The following SH3KBP1 variants were observed in gnomAD, a reference collection of about 807,000 sequenced individuals.
SH3KBP1 encodes SH3 domain containing kinase binding protein 1.
In SH3KBP1, 8 loss-of-function variants were observed where a neutral mutation model predicts 50.1. The ratio of observed to expected loss-of-function variants is 0.16; its 90% CI spans 0.09 to 0.29. SH3KBP1 has a LOEUF of 0.29. Among genes scored for constraint, SH3KBP1 ranks in the 10% least tolerant of loss-of-function variants. The pLI is 1.00. For missense variants in SH3KBP1, 377 were observed against 535.2 expected, an observed-to-expected ratio of 0.70 and a Z score of 2.92; for synonymous variants, 227 against 218.6, an observed-to-expected ratio of 1.04 and a Z score of -0.34.
At chrX:19,559,200 A>G (rs1602467627) in intron 13 of SH3KBP1, among the ~76,000 whole-genome samples, 1 of 73,401 alleles carries the variant, frequency 1.4e-5, no homozygotes, top group Non-Finnish European at 2.3e-5. Context: ...TGAACCCGGG[A>G]GGTGGAGGTT....
In SH3KBP1 at chrX:19,683,829, T is replaced by C; in HGVS notation, c.720A>G (p.Val240=). The C allele has an allele frequency of 1.7e-6, 2 of 1,207,466 alleles. No individual in the cohort carries two copies. Among genetic ancestry groups the C allele is most frequent in the East Asian group, 3.0e-5 (1 of 33,849 alleles). The part of the protein sequence containing the change: ...SIEVENDFLP[V]EKTIGKKLPA... Reference sequence around the variant, plus strand: ...TAGAAACTGTCGAACATACCTTTTCTACCGGCAGAAAGTCATTTTCTACTT... The same window carrying C: ...TAGAAACTGTCGAACATACCTTTTCCACCGGCAGAAAGTCATTTTCTACTT... Residue 240 remains valine, a synonymous_variant, in exon 6 of 18, where the codon GTA becomes GTG. Transcript: ENST00000397821.
chrX:19,652,431 A>G (rs1287884566), intron 6 of SH3KBP1, among the ~76,000 whole-genome samples: 1 of 111,343 alleles, frequency 9.0e-6, no homozygotes, highest in Non-Finnish European at 1.9e-5. Flanking sequence ...ATCTATTATG[A>G]TCAAAAGACT....
intron 12 of SH3KBP1, among the ~76,000 whole-genome samples, chrX:19,571,440 G>A (rs1294704137): frequency 8.9e-6 from 1 of 112,117 alleles, no homozygotes; most frequent in Non-Finnish European, 1.9e-5. Flanking sequence ...GACTGATCCC[G>A]AGCCAACAGA....
chrX:19,563,146 C>T (rs1367674107), intron 13 of SH3KBP1, among the ~76,000 whole-genome samples: 1 of 112,029 alleles, frequency 8.9e-6, no homozygotes. Context: ...CCAGCAGGAC[C>T]GCCCTGTGCA....
At chrX:19,704,006 A>G (rs1016878881) in intron 4 of SH3KBP1, among the ~76,000 whole-genome samples, 3 of 110,965 alleles carry the variant, frequency 2.7e-5, no homozygotes, top group Non-Finnish European at 5.7e-5. Flanking sequence ...ATAAGAGAAA[A>G]GGACAGATTT....
At chrX:19,593,249 C>A (rs1190049617) in intron 10 of SH3KBP1, among the ~76,000 whole-genome samples, 1 of 111,390 alleles carries the variant, frequency 9.0e-6, no homozygotes, top group Non-Finnish European at 1.9e-5. Flanking sequence ...AAACTCTTTA[C>A]ATGACCAGTT....
Position 19,602,825 on chromosome X carries a change from A to G in SH3KBP1, c.1005+5113T>C, listed in dbSNP as rs187498535. On this transcript the variant is annotated intron_variant, in intron 9 of 17. Transcript: ENST00000397821. ...AGATTTTACGGACTGAGTTGTCAGAAGATGGAGGCTAAGTAAGGTGAGGGG... is the reference window on the plus strand; with the variant it reads ...AGATTTTACGGACTGAGTTGTCAGAGGATGGAGGCTAAGTAAGGTGAGGGG... Among the ~76,000 whole-genome samples the G allele has an allele frequency of 1.2e-4, 13 of 112,202 alleles. No homozygotes were observed. In the East Asian group the frequency reaches 3.6e-3, roughly 31 times the overall value.
At chrX:19,862,264 G>A (rs900925704) in intron 1 of SH3KBP1, among the ~76,000 whole-genome samples, 58 of 112,022 alleles carry the variant, frequency 5.2e-4, no homozygotes, top group African/African-American at 1.7e-3. Context: ...AGATGTCTGT[G>A]GTGTTGGCTA....
intron 9 of SH3KBP1, among the ~76,000 whole-genome samples, chrX:19,600,328 G>A (rs972462314): frequency 3.6e-5 from 4 of 110,738 alleles, no homozygotes; most frequent in Non-Finnish European, 7.6e-5. Flanking sequence ...AGGCTGCAGT[G>A]AGCTGAGATC....
intron 2 of SH3KBP1, among the ~76,000 whole-genome samples, chrX:19,790,214 G>A (rs1037234872): frequency 1.8e-5 from 2 of 111,826 alleles, no homozygotes; most frequent in African/African-American, 6.5e-5. Context: ...TGGTTACCTG[G>A]GCTCTGGCAG....
chrX:19,653,763 TACACACACACACACACAC>T (rs60424271), intron 6 of SH3KBP1, among the ~76,000 whole-genome samples: 14,451 of 80,064 alleles, frequency 0.18, 998 homozygotes, highest in African/African-American at 0.21. Context: ...TATGTCTAAA[TACACACACACACACACAC>T]ACACACACAC....
intron 1 of SH3KBP1, among the ~76,000 whole-genome samples, chrX:19,838,886 CAAAAAAAAAAAA>C (rs1187740894): frequency 6.7e-5 from 2 of 30,074 alleles, no homozygotes; most frequent in Non-Finnish European, 1.4e-4. Context: ...AACTTTGTCT[CAAAAAAAAAAAA>C]AAAAAAAAGA....
chrX:19,535,541 C>G lies in SH3KBP1; in HGVS notation c.*876G>C, dbSNP rs2064684476. The G allele has an allele frequency of 8.9e-6, 1 of 112,070 alleles. No individual in the cohort carries two copies. Among genetic ancestry groups the G allele is most frequent in the Non-Finnish European group, 1.9e-5 (1 of 53,302 alleles). The allele number at this position is 112,070 out of a possible 1,213,427, so 9.2% of individuals were successfully genotyped here. Reference sequence around the variant, plus strand: ...TCAAGCAGGATGACATTTCTAGTTTCATGAACAACCTAAAACTAGGAGAAA... The same window carrying G: ...TCAAGCAGGATGACATTTCTAGTTTGATGAACAACCTAAAACTAGGAGAAA... On this transcript the variant is annotated 3_prime_UTR_variant, in exon 18 of 18. Coordinates refer to ENST00000397821, the MANE Select transcript of SH3KBP1 (RefSeq NM_031892.3).
At chrX:19,710,338 G>A (rs754461490) in intron 3 of SH3KBP1, among the ~76,000 whole-genome samples, 10 of 111,682 alleles carry the variant, frequency 9.0e-5, no homozygotes, top group African/African-American at 1.6e-4. Flanking sequence ...ACCACAGACA[G>A]CGTTGTGACT....
intron 3 of SH3KBP1, among the ~76,000 whole-genome samples, chrX:19,713,164 C>T (rs909095768): frequency 2.7e-5 from 3 of 111,071 alleles, no homozygotes; most frequent in Non-Finnish European, 3.8e-5. Flanking sequence ...CTGCAGTGAG[C>T]CAAGATTGTC....
At chrX:19,745,805 AAG>A (rs1401709442) in intron 3 of SH3KBP1, among the ~76,000 whole-genome samples, 5 of 112,657 alleles carry the variant, frequency 4.4e-5, no homozygotes, top group Non-Finnish European at 7.5e-5. Context: ...GAGGTCTCAA[AAG>A]AGAGAAAACA....
In SH3KBP1 at chrX:19,760,029, TCTCTCTCTCTCC is replaced by T. The variant is rs1235190154; in HGVS notation, c.163-13600_163-13589del. ...TCTCGGTCTCTCTCTCTCTCCTCTC[TCTCTCTCTCTCC>T]CTCTCTCTCTCTCTCTCTCTCTCTC... On this transcript the variant is annotated intron_variant, in intron 2 of 17. Transcript: ENST00000397821. Among the ~76,000 whole-genome samples, 250 of 68,548 alleles carry T rather than the reference TCTCTCTCTCTCC, an allele frequency of 3.6e-3. 7 individuals are homozygous for T. The highest frequency in any genetic ancestry group is 0.016 in the African/African-American group (215 of 13,846). The allele number at this position is 68,548 out of a possible 115,157, so 59.5% of individuals were successfully genotyped here. A position where few individuals can be genotyped will look rare whatever the true frequency, so the allele number is the denominator to read the frequency against.
chrX:19,565,280 T>A (rs1170131996), intron 13 of SH3KBP1, among the ~76,000 whole-genome samples: 5 of 109,515 alleles, frequency 4.6e-5, no homozygotes, highest in Admixed American at 9.7e-5. Flanking sequence ...CAGGCTGGTC[T>A]CGAACTCCTG....
intron 8 of SH3KBP1, among the ~76,000 whole-genome samples, chrX:19,616,733 G>A (rs2067625203): frequency 9.0e-6 from 1 of 111,342 alleles, no homozygotes; most frequent in South Asian, 3.8e-4. Context: ...GGGTTTTTAG[G>A]CTTTGTTACA....
Sources: allele counts gnomAD v4.1 joint callset (sites outside exome capture counted in the v4.1 genomes callset), GRCh38; gene constraint gnomAD v4.1.1; transcripts MANE v1.5; gene names NCBI Gene and HGNC (gene_info 2026-07-23, HGNC 2026-07-21).